The following SLC7A14 variants were observed in gnomAD, a reference collection of about 807,000 sequenced individuals.
SLC7A14 encodes gamma-aminobutyric acid transporter SLC7A14.
A neutral mutation model predicts 60.2 loss-of-function variants in SLC7A14; 37 were observed. That is an observed-to-expected ratio of 0.61 (90% CI 0.47 to 0.81). The LOEUF is 0.81. SLC7A14 is among the 30% of genes least tolerant of loss of function. SLC7A14 has a pLI of 0.00. For missense variants in SLC7A14, 886 were observed against 982.7 expected, an observed-to-expected ratio of 0.90 and a Z score of 1.32; for synonymous variants, 399 against 395.8, an observed-to-expected ratio of 1.01 and a Z score of -0.10.
chr3:170,476,157 C>T lies in SLC7A14; in HGVS notation c.1993+4132G>A, dbSNP rs147107157. On this transcript the variant is annotated intron_variant, in intron 7 of 7. Transcript: ENST00000231706. Reference sequence around the variant, plus strand: ...AACTTAAAAAATATTCCTCAATACTCGGCCACCAGACCAATTGAATCAGAA... The same window carrying T: ...AACTTAAAAAATATTCCTCAATACTTGGCCACCAGACCAATTGAATCAGAA... Among the ~76,000 whole-genome samples, 188 of 152,304 alleles carry T rather than the reference C, an allele frequency of 1.2e-3. 1 individual carries two copies. Among genetic ancestry groups the T allele is most frequent in the Non-Finnish European group, 6.0e-4 (41 of 68,030 alleles).
At chr3:170,565,331 C>G (rs1714762079) in intron 1 of SLC7A14, among the ~76,000 whole-genome samples, 1 of 152,124 alleles carries the variant, frequency 6.6e-6, no homozygotes, top group African/African-American at 2.4e-5. Context: ...AGGGTCTAGT[C>G]CTTTCCTTGG....
At chr3:170,550,484 A>G (rs527700067) in intron 1 of SLC7A14, among the ~76,000 whole-genome samples, 36 of 145,992 alleles carry the variant, frequency 2.5e-4, no homozygotes, top group African/African-American at 8.4e-4. Context: ...TAATCTTTCA[A>G]ACTAAACCTA....
rs756271822 is a variant in SLC7A14, at chr3:170,559,092, C to A, written c.-153+26819G>T. Among the ~76,000 whole-genome samples, 11 of 152,260 alleles carry A rather than the reference C, an allele frequency of 7.2e-5. 1 individual carries two copies. The South Asian group carries it at 1.0e-3, about 14-fold the overall frequency. ...CAGACAGGGCTTTCCAAACTTTTTCCCCACAAAATTATTACTTAATATGTT... is the reference window on the plus strand; with the variant it reads ...CAGACAGGGCTTTCCAAACTTTTTCACCACAAAATTATTACTTAATATGTT... On this transcript the variant is annotated intron_variant, in intron 1 of 7. Transcript: ENST00000231706.
chr3:170,470,308 A>ATGTATGTGTGTGTGTG (rs1553864054), intron 7 of SLC7A14, among the ~76,000 whole-genome samples: 1 of 143,594 alleles, frequency 7.0e-6, no homozygotes, highest in East Asian at 2.1e-4. Flanking sequence ...TGGAAGGAAC[A>ATGTATGTGTGTGTGTG]TGTGTGTGTG....
intron 1 of SLC7A14, among the ~76,000 whole-genome samples, chr3:170,564,372 C>CT (rs1250823817): frequency 6.6e-6 from 1 of 152,224 alleles, no homozygotes; most frequent in African/African-American, 2.4e-5. Flanking sequence ...AAAGCACACT[C>CT]TCCAGTGCTG....
chr3:170,566,751 G>C (rs1201522054), intron 1 of SLC7A14, among the ~76,000 whole-genome samples: 1 of 150,844 alleles, frequency 6.6e-6, no homozygotes, highest in Non-Finnish European at 1.5e-5. Context: ...ACTTCTTTAA[G>C]AAAACTGCAA....
At chr3:170,573,830 A>G (rs570466272) in intron 1 of SLC7A14, among the ~76,000 whole-genome samples, 10 of 152,314 alleles carry the variant, frequency 6.6e-5, no homozygotes, top group South Asian at 6.2e-4. Context: ...GTCCCACTCC[A>G]TTAATCCTGA....
In SLC7A14 at chr3:170,516,131, C is replaced by T. The variant is rs576914454; in HGVS notation, c.304+10502G>A. ...CACCATCAGCAATTTAAGAAACTTG[C>T]AAATTTCTATTAAAATGTGCTCACC... On this transcript the variant is annotated intron_variant, in intron 2 of 7. Transcript: ENST00000231706. Among the ~76,000 whole-genome samples, 3 of 152,288 alleles carry T rather than the reference C, an allele frequency of 2.0e-5. No homozygotes were observed. In the South Asian group the frequency reaches 6.2e-4, roughly 32 times the overall value.
chr3:170,500,438 C>CAAAAAAAA (rs66971540), intron 3 of SLC7A14, among the ~76,000 whole-genome samples: 1 of 55,630 alleles, frequency 1.8e-5, no homozygotes, highest in Non-Finnish European at 3.5e-5. Flanking sequence ...GACTCTGTCT[C>CAAAAAAAA]AAAAAAAAAA....
chr3:170,498,066 C>T (rs1712466005), intron 4 of SLC7A14, among the ~76,000 whole-genome samples: 1 of 152,208 alleles, frequency 6.6e-6, no homozygotes, highest in East Asian at 1.9e-4. Flanking sequence ...CTGTTATTTT[C>T]CTAGTGTCAT....
In SLC7A14 at chr3:170,585,452, A is replaced by T. The variant is rs961080601; in HGVS notation, c.-153+459T>A. On this transcript the variant is annotated intron_variant, in intron 1 of 7. Transcript: ENST00000231706. The surrounding 1 kb of genome is among the most constrained non-coding windows in gnomAD (Gnocchi z 5.1). ...GCGGCCGGAAAAGCGTCTCCGTTTC[A>T]TGGTCTCGGTCCGAGGCGGAGAACG... is the stretch of plus-strand genomic sequence containing the variant. Among the ~76,000 whole-genome samples, 4 of 152,032 alleles carry T rather than the reference A, an allele frequency of 2.6e-5. No homozygotes were observed. Among genetic ancestry groups the T allele is most frequent in the African/African-American group, 9.7e-5 (4 of 41,408 alleles).
rs539843312 is a variant in SLC7A14 at position 170,466,437 on chromosome 3, T to C, written c.*618A>G. 1.3e-5 allele frequency: 2 copies of C among 152,328 alleles called. No homozygotes were observed. The highest frequency in any genetic ancestry group is 2.9e-5 in the Non-Finnish European group (2 of 68,096). The allele number at this position is 152,328 out of a possible 1,614,324, so 9.4% of individuals were successfully genotyped here. A position where few individuals can be genotyped will look rare whatever the true frequency, so the allele number is the denominator to read the frequency against. Reference sequence around the variant, plus strand: ...TCACTGGGTCTGCCTGACTGCTTTATGGTGAATCTGAAACCATTGGGAAAA... The same window carrying C: ...TCACTGGGTCTGCCTGACTGCTTTACGGTGAATCTGAAACCATTGGGAAAA... On this transcript the variant is annotated 3_prime_UTR_variant, in exon 8 of 8. Coordinates refer to ENST00000231706, the MANE Select transcript of SLC7A14 (RefSeq NM_020949.3).
chr3:170,515,942 C>T (rs1713143158), intron 2 of SLC7A14, among the ~76,000 whole-genome samples: 3 of 152,146 alleles, frequency 2.0e-5, no homozygotes, highest in Admixed American at 6.5e-5. Flanking sequence ...GGTTCTTTCC[C>T]ATGTTCTGCA....
intron 4 of SLC7A14, among the ~76,000 whole-genome samples, chr3:170,497,037 G>A (rs139094578): frequency 5.4e-4 from 80 of 147,770 alleles, no homozygotes; most frequent in African/African-American, 1.9e-3. Context: ...TACTGCTTGG[G>A]GACCCCCCTT....
At chr3:170,486,452 C>A in intron 4 of SLC7A14, 84 bp from the exon 5 acceptor site, 1 of 1,562,618 alleles carries the variant, frequency 6.4e-7, no homozygotes, top group Non-Finnish European at 8.8e-7. Context: ...TTGCTCTATG[C>A]CCTGCAGACA....
intron 1 of SLC7A14, among the ~76,000 whole-genome samples, chr3:170,559,366 C>G (rs1377192739): frequency 6.6e-6 from 1 of 151,962 alleles, no homozygotes; most frequent in South Asian, 2.1e-4. Context: ...TACCTGTTTT[C>G]CTTAAAGATT....
At chr3:170,554,760 T>A (rs1714441202) in intron 1 of SLC7A14, among the ~76,000 whole-genome samples, 1 of 152,200 alleles carries the variant, frequency 6.6e-6, no homozygotes, top group Admixed American at 6.5e-5. Context: ...AAGAATGAAG[T>A]TTATATCCTT....
At chr3:170,523,156 C>G (rs1713386289) in intron 2 of SLC7A14, among the ~76,000 whole-genome samples, 1 of 152,158 alleles carries the variant, frequency 6.6e-6, no homozygotes, top group South Asian at 2.1e-4. Context: ...TGACAACAAT[C>G]CTTTGAAGTA....
chr3:170,482,882 G>C (rs1370216658), intron 6 of SLC7A14, among the ~76,000 whole-genome samples: 1 of 151,934 alleles, frequency 6.6e-6, no homozygotes, highest in Non-Finnish European at 1.5e-5. Flanking sequence ...TGTTCAGAGG[G>C]TCTTATCTAC....
Sources: gnomAD v4.1 joint callset for allele counts (sites outside exome capture counted in the v4.1 genomes callset) on GRCh38, gnomAD v4.1.1 for gene constraint, Gnocchi (gnomAD v3.1) non-coding constraint, MANE v1.5 for transcripts, NCBI Gene and HGNC (gene_info 2026-07-23, HGNC 2026-07-21) for gene names.